Variants in NAV1 observed in about 807,000 individuals in gnomAD.
NAV1 encodes neuron navigator 1.
NAV1 carries 18 observed loss-of-function variants against 175.2 expected under a neutral mutation model. The observed-to-expected ratio is 0.10, with a 90% CI of 0.07 to 0.15. The LOEUF is 0.15. NAV1 is among the 10% of genes least tolerant of loss of function. The pLI, the probability that NAV1 is intolerant of heterozygous loss-of-function variation, is 1.00. For missense variants in NAV1, 1,731 were observed against 2,436.6 expected, an observed-to-expected ratio of 0.71 and a Z score of 6.10; for synonymous variants, 897 against 978.7, an observed-to-expected ratio of 0.92 and a Z score of 1.56.
intron 3 of NAV1, among the ~76,000 whole-genome samples, chr1:201,774,268 G>A (rs1242018602): frequency 6.6e-6 from 1 of 152,200 alleles, no homozygotes; most frequent in Non-Finnish European, 1.5e-5. Flanking sequence ...ATAACTCTGA[G>A]CCCTGTCCTC....
intron 3 of NAV1, among the ~76,000 whole-genome samples, chr1:201,767,734 T>C (rs543202308): frequency 5.1e-4 from 77 of 152,284 alleles, no homozygotes; most frequent in African/African-American, 1.8e-3. Flanking sequence ...GTCCACTTGC[T>C]GCAGGGACCA....
chr1:201,580,103 C>T (rs1172220926), intron 1 of NAV1, among the ~76,000 whole-genome samples: 1 of 152,224 alleles, frequency 6.6e-6, no homozygotes, highest in Admixed American at 6.5e-5. Context: ...ACTGTCCCAG[C>T]TCCAGGAGAG....
chr1:201,587,527 G>T (rs900479330), intron 1 of NAV1, among the ~76,000 whole-genome samples: 4 of 150,564 alleles, frequency 2.7e-5, no homozygotes, highest in Non-Finnish European at 5.9e-5. Flanking sequence ...CTTTACAAAA[G>T]ATGCAAAAAT....
intron 3 of NAV1, among the ~76,000 whole-genome samples, chr1:201,752,574 A>T (rs1459917207): frequency 6.6e-6 from 1 of 151,886 alleles, no homozygotes; most frequent in East Asian, 1.9e-4. Flanking sequence ...ATCACCTTAG[A>T]CAAAGTGCTA....
At chr1:201,777,867 G>A (rs532591456) in intron 3 of NAV1, among the ~76,000 whole-genome samples, 12 of 152,134 alleles carry the variant, frequency 7.9e-5, no homozygotes, top group African/African-American at 1.7e-4. Context: ...CCTGGGAGGC[G>A]AAGGCTGCAA....
Position 201,654,148 on chromosome 1 carries a change from TGGA to T in NAV1, c.757+4728_757+4730del, listed in dbSNP as rs1669309667. ...CTCTGCCCTGGGGAGAAGGTACAGA[TGGA>T]GGAGAAGTACCCAGAGCTACTCTGG... is the stretch of plus-strand genomic sequence containing the variant. On this transcript the variant is annotated intron_variant, in intron 1 of 29. Coordinates refer to ENST00000367296, the Ensembl canonical transcript of NAV1. 6.6e-5 allele frequency among the ~76,000 whole-genome samples: 10 copies of T among 152,236 alleles called. No individual in the cohort carries two copies. In the South Asian group the frequency reaches 2.1e-3, roughly 32 times the overall value.
At chr1:201,785,433 C>A in intron 8 of NAV1, 82 bp downstream of exon 12, 3 of 1,423,074 alleles carry the variant, frequency 2.1e-6, no homozygotes, top group Non-Finnish European at 2.9e-6. Flanking sequence ...CTGTCCAAGG[C>A]TCCAGTCATG....
intron 13 of NAV1, 61 bp downstream of exon 17, chr1:201,790,827 C>A: frequency 6.4e-7 from 1 of 1,574,614 alleles, no homozygotes; most frequent in South Asian, 1.1e-5. Context: ...TAGACAAGTT[C>A]AGCCAAGGGA....
At chr1:201,780,328 T>C in intron 3 of NAV1, 93 bp from the exon 8 acceptor site, 1 of 1,490,000 alleles carries the variant, frequency 6.7e-7, no homozygotes, top group Non-Finnish European at 9.2e-7. Context: ...GCCTATATAC[T>C]GGTGCAGAGC....
rs765716182 is a variant in NAV1 at position 201,782,900 on chromosome 1, T to G, written c.2357+31T>G. 1.3e-6 allele frequency: 2 copies of G among 1,521,810 alleles called. No individual in the cohort carries two copies. The highest frequency in any genetic ancestry group is 4.2e-5 in the Admixed American group (2 of 47,782). The allele number at this position is 1,521,810 out of a possible 1,614,324, so 94.3% of individuals were successfully genotyped here. ...CAATGTGGGCAGCCGCCTCCTTGTC[T>G]GTTTGCTTTGTCATTCTTTCGCATA... On this transcript the variant is annotated intron_variant, in intron 6 of 29. Coordinates refer to ENST00000367296, the Ensembl canonical transcript of NAV1. This position sits in a 1 kb window ranked among gnomAD's most constrained non-coding sequence, Gnocchi z 5.4.
At chr1:201,606,677 A>G (rs680157) in intron 2 of NAV1, among the ~76,000 whole-genome samples, 67,595 of 152,100 alleles carry the variant, frequency 0.44, 18,363 homozygotes, top group African/African-American at 0.77. Context: ...ATCTGTGTTC[A>G]TTGGGGAAGA....
chr1:201,540,945 C>A (rs1403016534), intron 1 of NAV1, among the ~76,000 whole-genome samples: 1 of 152,220 alleles, frequency 6.6e-6, no homozygotes, highest in South Asian at 2.1e-4. Context: ...TGGGCTCCAG[C>A]CCCTAGGGTC....
In NAV1 at chr1:201,773,073, G is replaced by T. The variant is rs534641862; in HGVS notation, c.1227-7348G>T. Among the ~76,000 whole-genome samples the T allele has an allele frequency of 2.6e-5, 4 of 151,904 alleles. No homozygotes were observed. The East Asian group carries it at 5.8e-4, about 22-fold the overall frequency. ...AATACTAGGAGCTTGATGACTGTTT[G>T]CTCAATTGAAGTTGAATTTAACCCT... On this transcript the variant is annotated intron_variant, in intron 3 of 29. Coordinates refer to ENST00000367296, the Ensembl canonical transcript of NAV1.
At chr1:201,597,273 A>C (rs190388778) in intron 2 of NAV1, among the ~76,000 whole-genome samples, 18 of 152,342 alleles carry the variant, frequency 1.2e-4, no homozygotes, top group Admixed American at 1.1e-3. Flanking sequence ...GAGAGGGAGC[A>C]TTCTAGGTCT....
At chr1:201,594,280 C>G (rs1275602298) in intron 2 of NAV1, among the ~76,000 whole-genome samples, 1 of 152,126 alleles carries the variant, frequency 6.6e-6, no homozygotes, top group Non-Finnish European at 1.5e-5. Flanking sequence ...TTTGGCCTCA[C>G]TTGTTCATTT....
chr1:201,736,979 C>T (rs557960497), intron 3 of NAV1, among the ~76,000 whole-genome samples: 5 of 152,030 alleles, frequency 3.3e-5, no homozygotes, highest in African/African-American at 9.7e-5. Context: ...CATTGCCCAT[C>T]CCCCACCCTC....
intron 1 of NAV1, among the ~76,000 whole-genome samples, chr1:201,587,951 A>G (rs887693072): frequency 6.6e-6 from 1 of 152,228 alleles, no homozygotes; most frequent in Non-Finnish European, 1.5e-5. Flanking sequence ...TGGAACTCTC[A>G]GAGATTGTTA....
In NAV1 at chr1:201,809,435, C is replaced by T; in HGVS notation, c.4306-7C>T. 6.2e-7 allele frequency: 1 copy of T among 1,613,820 alleles called. No individual in the cohort carries two copies. ...GCTCAAGAGCTTTTCCTTCCTTGGCCTTACAGGACTTGAAGCAGCAGGAAT... is the reference window on the plus strand; with the variant it reads ...GCTCAAGAGCTTTTCCTTCCTTGGCTTTACAGGACTTGAAGCAGCAGGAAT... On this transcript the variant is annotated splice_region_variant and splice_polypyrimidine_tract_variant and intron_variant, in intron 21 of 29. Transcript: ENST00000367296.
At chr1:201,735,958 T>A (rs1571915418) in intron 3 of NAV1, among the ~76,000 whole-genome samples, 2 of 152,166 alleles carry the variant, frequency 1.3e-5, no homozygotes, top group African/African-American at 4.8e-5. Flanking sequence ...CTCTTTCCTT[T>A]CCCTGCCCCT....
Sources: gnomAD v4.1 joint callset for allele counts (sites outside exome capture counted in the v4.1 genomes callset) on GRCh38, gnomAD v4.1.1 for gene constraint, Gnocchi (gnomAD v3.1) non-coding constraint, MANE v1.5 for transcripts, NCBI Gene and HGNC (gene_info 2026-07-23, HGNC 2026-07-21) for gene names.